The following PITPNC1 variants were observed in gnomAD, a reference collection of about 807,000 sequenced individuals.
PITPNC1 encodes cytoplasmic phosphatidylinositol transfer protein 1.
PITPNC1 carries 18 observed loss-of-function variants against 44.7 expected under a neutral mutation model. The ratio of observed to expected loss-of-function variants is 0.40; its 90% CI spans 0.28 to 0.60. The LOEUF is 0.60. Among genes scored for constraint, PITPNC1 ranks in the 20% least tolerant of loss-of-function variants. The pLI is 0.39. For synonymous variants in PITPNC1, 141 were observed against 149.6 expected, an observed-to-expected ratio of 0.94 and a Z score of 0.42; for missense variants, 290 against 418.4, an observed-to-expected ratio of 0.69 and a Z score of 2.68.
chr17:67,661,997 A>G (rs1007144094), intron 6 of PITPNC1, among the ~76,000 whole-genome samples: 2 of 151,640 alleles, frequency 1.3e-5, no homozygotes, highest in African/African-American at 2.4e-5. Context: ...TCCATCTCAT[A>G]ATAATAATAA....
chr17:67,538,223 T>G (rs1325008578), intron 2 of PITPNC1, among the ~76,000 whole-genome samples: 2 of 152,108 alleles, frequency 1.3e-5, no homozygotes, highest in Non-Finnish European at 2.9e-5. Context: ...GAGGGGAAGA[T>G]GAACTCTTCG....
At chr17:67,650,556 C>A (rs908863673) in intron 6 of PITPNC1, among the ~76,000 whole-genome samples, 12 of 141,936 alleles carry the variant, frequency 8.5e-5, no homozygotes, top group African/African-American at 3.2e-4. Flanking sequence ...TTAAGCGATT[C>A]TCCTGCCTCA....
At chr17:67,406,669 A>C (rs2038405983) in intron 1 of PITPNC1, among the ~76,000 whole-genome samples, 1 of 150,390 alleles carries the variant, frequency 6.6e-6, no homozygotes. Context: ...CCACTGCAGC[A>C]TCCGCCTCCC....
At chr17:67,653,912 C>T (rs780452253) in intron 6 of PITPNC1, among the ~76,000 whole-genome samples, 3 of 152,162 alleles carry the variant, frequency 2.0e-5, no homozygotes, top group African/African-American at 4.8e-5. Flanking sequence ...CTTTAAGATG[C>T]GTGAAGGCTG....
chr17:67,478,400 G>T (rs1231948265), intron 1 of PITPNC1, among the ~76,000 whole-genome samples: 1 of 152,206 alleles, frequency 6.6e-6, no homozygotes, highest in East Asian at 1.9e-4. Context: ...GCCTAAAAGA[G>T]ACACAGCAGT....
At chr17:67,635,421 A>G (rs1332735090) in intron 6 of PITPNC1, among the ~76,000 whole-genome samples, 2 of 152,164 alleles carry the variant, frequency 1.3e-5, no homozygotes, top group Non-Finnish European at 2.9e-5. Context: ...GGTGCTGCTT[A>G]CTGAAATGGG....
intron 5 of PITPNC1, chr17:67,611,707 C>G (rs926799343): frequency 3.9e-5 from 6 of 152,226 alleles, no homozygotes; most frequent in African/African-American, 1.4e-4. Flanking sequence ...AACCCCCGAC[C>G]TCAGGTGTTC....
intron 1 of PITPNC1, among the ~76,000 whole-genome samples, chr17:67,529,522 A>G (rs963800552): frequency 1.3e-5 from 2 of 152,260 alleles, no homozygotes; most frequent in South Asian, 2.1e-4. Flanking sequence ...CATCTAGTGC[A>G]TTCTCAACGT....
At chr17:67,505,431 A>G (rs184761149) in intron 1 of PITPNC1, among the ~76,000 whole-genome samples, 21 of 152,310 alleles carry the variant, frequency 1.4e-4, no homozygotes, top group African/African-American at 3.8e-4. Flanking sequence ...TTATCATTGT[A>G]TCTTCCTAAG....
intron 1 of PITPNC1, among the ~76,000 whole-genome samples, chr17:67,380,071 T>G (rs573942830): frequency 5.3e-5 from 8 of 151,142 alleles, no homozygotes; most frequent in Non-Finnish European, 1.0e-4. Context: ...TTTTTGTCTT[T>G]TCTTTTCTTT....
intron 6 of PITPNC1, among the ~76,000 whole-genome samples, chr17:67,664,542 A>G (rs936182670): frequency 2.6e-5 from 4 of 151,596 alleles, no homozygotes; most frequent in Non-Finnish European, 5.9e-5. Context: ...TTTGATTTGC[A>G]TTTCTCTGAT....
chr17:67,503,665 T>C (rs1165023721), intron 1 of PITPNC1, among the ~76,000 whole-genome samples: 1 of 152,108 alleles, frequency 6.6e-6, no homozygotes, highest in Non-Finnish European at 1.5e-5. Flanking sequence ...TGTTTATATA[T>C]CTTATTTTTT....
chr17:67,559,052 C>T (rs2040874482), intron 4 of PITPNC1, among the ~76,000 whole-genome samples: 2 of 152,124 alleles, frequency 1.3e-5, no homozygotes, highest in South Asian at 2.1e-4. Context: ...ATAGGAATTG[C>T]CCTCACAGTC....
At chr17:67,524,577 T>G (rs2040370973) in intron 1 of PITPNC1, 1 of 151,924 alleles carries the variant, frequency 6.6e-6, no homozygotes, top group South Asian at 2.1e-4. Context: ...TTTGCTTTTT[T>G]TTGTAGTAAG....
At chr17:67,678,114 A>G (rs2042636910) in intron 8 of PITPNC1, among the ~76,000 whole-genome samples, 1 of 151,846 alleles carries the variant, frequency 6.6e-6, no homozygotes, top group Admixed American at 6.6e-5. Context: ...TATTCAGGAG[A>G]CCGAGGTGAA....
At chr17:67,584,702 C>T (rs2041287685) in intron 5 of PITPNC1, among the ~76,000 whole-genome samples, 1 of 152,284 alleles carries the variant, frequency 6.6e-6, no homozygotes, top group South Asian at 2.1e-4. Context: ...ATGATGATTT[C>T]CCAATGAGAC....
At chr17:67,557,523 G>T (rs1481582198) in intron 4 of PITPNC1, among the ~76,000 whole-genome samples, 2 of 152,182 alleles carry the variant, frequency 1.3e-5, no homozygotes, top group Admixed American at 6.5e-5. Context: ...TTCCTGGCTA[G>T]TTCACTTTTA....
intron 4 of PITPNC1, among the ~76,000 whole-genome samples, chr17:67,577,628 ATTT>A (rs895317152): frequency 2.2e-4 from 33 of 150,844 alleles, no homozygotes; most frequent in Non-Finnish European, 4.0e-4. Flanking sequence ...AAATTTAAAA[ATTT>A]TTTTTATTTT....
At chr17:67,570,164 G>A (rs753035713) in intron 4 of PITPNC1, among the ~76,000 whole-genome samples, 2 of 152,180 alleles carry the variant, frequency 1.3e-5, no homozygotes, top group Admixed American at 6.5e-5. Flanking sequence ...ACCAGCGGAC[G>A]TGCACCCTTT....
Sources: allele counts gnomAD v4.1 joint callset (sites outside exome capture counted in the v4.1 genomes callset), GRCh38; gene constraint gnomAD v4.1.1; transcripts MANE v1.5; gene names NCBI Gene and HGNC (gene_info 2026-07-23, HGNC 2026-07-21).